The following RASL12 variants were observed in gnomAD, a reference collection of about 807,000 sequenced individuals.
The protein encoded by RASL12 is RAS like family 12.
Under a neutral mutation model 22.9 loss-of-function variants are expected in RASL12, and 16 were observed. The ratio of observed to expected loss-of-function variants is 0.70; its 90% CI spans 0.47 to 1.06. The LOEUF is 1.06. Ranked by LOEUF, RASL12 falls within the 50% of genes least tolerant of loss-of-function variation. RASL12 has a pLI of 0.00. For missense variants in RASL12, 306 were observed against 353.1 expected (o/e 0.87, Z 1.07); for synonymous variants, 159 against 152.2 (o/e 1.04, Z -0.33).
chr15:65,055,383 A>T, intron 4 of RASL12, 109 bp from the exon 5 acceptor site: 2 of 905,790 alleles, frequency 2.2e-6, no homozygotes, highest in Non-Finnish European at 3.3e-6. Context: ...GCCTGGGGTC[A>T]TCTTCACCTC....
intron 1 of RASL12, among the ~76,000 whole-genome samples, chr15:65,074,308 A>G (rs997205158): frequency 6.6e-6 from 1 of 152,202 alleles, no homozygotes; most frequent in African/African-American, 2.4e-5. Flanking sequence ...CAAGTTACCT[A>G]AAGTCTTTCA....
Position 65,075,060 on chromosome 15 carries a change from G to A in RASL12, c.70+1469C>T, listed in dbSNP as rs187797804. On this transcript the variant is annotated intron_variant, in intron 1 of 4. Transcript: ENST00000434605. ...AGCGGGAACCGGGGCTGCGTGTGGC[G>A]CTTGCGGGCCAGCTGGAGTTCCAGG... Among the ~76,000 whole-genome samples the A allele has an allele frequency of 1.7e-3, 256 of 152,322 alleles. 2 individuals are homozygous for A. The highest frequency in any genetic ancestry group is 5.6e-3 in the African/African-American group (233 of 41,576).
intron 4 of RASL12, among the ~76,000 whole-genome samples, chr15:65,057,318 T>C (rs975985236): frequency 6.6e-6 from 1 of 152,156 alleles, no homozygotes; most frequent in Non-Finnish European, 1.5e-5. Flanking sequence ...CCCTTGCAGG[T>C]AGACTGGCCA....
Position 65,055,016 on chromosome 15 carries a change from G to A in RASL12, c.684C>T (p.Asn228=), listed in dbSNP as rs948205997. ...GGGCCACAGTGGGCATCTCCTTCAG[G>A]TTGATGGTGGAGAGCGTGTTGAAGG... The part of the protein sequence containing the change: ...SCTFNTLSTI[N]LKEMPTVAQA... The change falls in exon 5 of 5, where the codon AAC becomes AAT. Residue 228 remains asparagine (N), a synonymous_variant. Transcript: ENST00000220062. 1 of 1,614,028 alleles carries A rather than the reference G, an allele frequency of 6.2e-7. No individual in the cohort carries two copies. Among genetic ancestry groups the A allele is most frequent in the Non-Finnish European group, 8.5e-7 (1 of 1,179,952 alleles).
chr15:65,051,688 C>A, downstream of RASL12: 1 of 1,346,490 alleles, frequency 7.4e-7, no homozygotes, highest in Non-Finnish European at 1.1e-6. Context: ...AGAGAGGGGT[C>A]ACTTAGGGGT....
At chr15:65,065,139 C>T in intron 2 of RASL12, 78 bp downstream of exon 2, 2 of 1,410,956 alleles carry the variant, frequency 1.4e-6, no homozygotes, top group Middle Eastern at 1.9e-4. Context: ...CTGGTCAGTG[C>T]CCACCCACGG....
At chr15:65,051,393 G>A, downstream of RASL12, 3 of 860,580 alleles carry the variant, frequency 3.5e-6, no homozygotes, top group South Asian at 1.5e-5. Flanking sequence ...TCTTTGATTA[G>A]GGTCTCCACG....
chr15:65,074,462 C>T (rs1424209675), intron 1 of RASL12, among the ~76,000 whole-genome samples: 5 of 151,934 alleles, frequency 3.3e-5, no homozygotes, highest in Non-Finnish European at 4.4e-5. Context: ...GGCACGAGCT[C>T]GGCTCACTGC....
rs759052840 is a variant in RASL12 at position 65,055,142 on chromosome 15, C to T, written c.558G>A (p.Glu186=). ...FHEAVREARR[E]LEKSPLTRPL... is the part of the protein sequence containing the mutation. ...GCCGGGTCAGGGGGCTCTTCTCCAGCTCCCGCCGTGCCTCTCGCACTGCCT... is the reference window on the plus strand; with the variant it reads ...GCCGGGTCAGGGGGCTCTTCTCCAGTTCCCGCCGTGCCTCTCGCACTGCCT... Residue 186 remains glutamate, a synonymous_variant, in exon 5 of 5, where the codon GAG becomes GAA. Transcript: ENST00000220062. 163 of 1,611,152 alleles carry T rather than the reference C, an allele frequency of 1.0e-4. No individual in the cohort carries two copies. The highest frequency in any genetic ancestry group is 1.4e-4 in the Non-Finnish European group (160 of 1,179,184).
upstream of RASL12, among the ~76,000 whole-genome samples, chr15:65,068,493 C>T (rs2086907812): frequency 6.6e-6 from 1 of 152,160 alleles, no homozygotes; most frequent in South Asian, 2.1e-4. This position sits in a 1 kb window ranked among gnomAD's most constrained non-coding sequence, Gnocchi z 4.2. Context: ...GGAACCCAGG[C>T]TTCTGGGAGA....
At chr15:65,065,375 G>T (rs1017357851) in intron 1 of RASL12, 102 bp from the exon 2 acceptor site, 98 of 1,061,386 alleles carry the variant, frequency 9.2e-5, no homozygotes, top group Non-Finnish European at 1.3e-4. Flanking sequence ...ATCCCCGGCT[G>T]ACACCAAGCT....
chr15:65,051,717 G>A (rs2086655607), downstream of RASL12: 1 of 922,732 alleles, frequency 1.1e-6, no homozygotes, highest in Non-Finnish European at 1.7e-6. Context: ...TCCACCCTTT[G>A]GGACAGCAAA....
the RASL12 span, among the ~76,000 whole-genome samples, chr15:65,048,041 T>C: frequency 6.6e-6 from 1 of 152,058 alleles, no homozygotes; most frequent in Non-Finnish European, 1.5e-5. Context: ...TAGCCTGGCG[T>C]GGTGGCATGC....
At chr15:65,076,609 G>A in exon 1 of RASL12, 1 of 703,140 alleles carries the variant, frequency 1.4e-6, no homozygotes, top group Non-Finnish European at 2.6e-6. Flanking sequence ...TTCTTCTAAG[G>A]ATATGAGTGA....
chr15:65,046,930 A>AAACAAAT, the RASL12 span, among the ~76,000 whole-genome samples: 1 of 152,052 alleles, frequency 6.6e-6, no homozygotes, highest in Non-Finnish European at 1.5e-5. Flanking sequence ...AAAAAACAAA[A>AAACAAAT]AAACACCACT....
In RASL12 at chr15:65,054,264, C is replaced by T. The variant is rs1170971329; in HGVS notation, c.*635G>A. The T allele has an allele frequency of 6.1e-6, 6 of 985,886 alleles. No homozygotes were observed. Among genetic ancestry groups the T allele is most frequent in the Non-Finnish European group, 7.2e-6 (6 of 830,126 alleles). The allele number at this position is 985,886 out of a possible 1,614,324, so 61.1% of individuals were successfully genotyped here. A position where few individuals can be genotyped will look rare whatever the true frequency, so the allele number is the denominator to read the frequency against. On this transcript the variant is annotated 3_prime_UTR_variant, in exon 5 of 5. Coordinates refer to ENST00000220062, the MANE Select transcript of RASL12 (RefSeq NM_016563.4). ...ATGCTGGACAACCTACAGTCCCTCC[C>T]TTTTATCCTCATTGAGACGCCAAGT...
chr15:65,046,131 T>C, the RASL12 span, among the ~76,000 whole-genome samples: 1 of 152,164 alleles, frequency 6.6e-6, no homozygotes, highest in Non-Finnish European at 1.5e-5. Flanking sequence ...TGAAATGCTG[T>C]CTCTACTAAT....
At chr15:65,046,567 T>C in the RASL12 span, among the ~76,000 whole-genome samples, 1 of 152,234 alleles carries the variant, frequency 6.6e-6, no homozygotes, top group South Asian at 2.1e-4. Flanking sequence ...ATTTGTCATT[T>C]TGGTTTTTTG....
downstream of RASL12, chr15:65,049,128 A>C (rs758917009): frequency 2.6e-5 from 4 of 152,044 alleles, no homozygotes; most frequent in Admixed American, 2.0e-4. Context: ...GATGCTAGAA[A>C]ATTTTATATT....
Sources: gnomAD v4.1 joint callset for allele counts (sites outside exome capture counted in the v4.1 genomes callset) on GRCh38, gnomAD v4.1.1 for gene constraint, Gnocchi (gnomAD v3.1) non-coding constraint, MANE v1.5 for transcripts, NCBI Gene and HGNC (gene_info 2026-07-23, HGNC 2026-07-21) for gene names.